SDHA: variants seen among roughly 807,000 people sequenced by gnomAD.
The protein encoded by SDHA is succinate dehydrogenase complex flavoprotein subunit A.
A neutral mutation model predicts 78.4 loss-of-function variants in SDHA; 48 were observed. The observed-to-expected ratio is 0.61, with a 90% CI of 0.49 to 0.78. SDHA has a LOEUF of 0.78. SDHA is among the 30% of genes least tolerant of loss of function. The pLI is 0.00. For synonymous variants in SDHA, 326 were observed against 353.9 expected (o/e 0.92, Z 0.88); for missense variants, 680 against 892.7 (o/e 0.76, Z 3.04).
At chr5:240,311 T>C (rs1736058067) in intron 10 of SDHA, 47 bp from the exon 11 acceptor site, 1 of 1,299,294 alleles carries the variant, frequency 7.7e-7, no homozygotes. Context: ...CATTTGGTTT[T>C]TTAAAACGGT....
intron 8 of SDHA, 131 bp from the exon 9 acceptor site, chr5:235,013 G>A (rs1156693630): frequency 1.2e-6 from 1 of 863,672 alleles, no homozygotes; most frequent in Non-Finnish European, 2.0e-6. Context: ...ATGAGAGGGT[G>A]ACCATACATG....
intron 11 of SDHA, among the ~76,000 whole-genome samples, chr5:241,796 A>G (rs1232216053): frequency 1.3e-5 from 2 of 152,226 alleles, no homozygotes; most frequent in Non-Finnish European, 2.9e-5. Flanking sequence ...TGTGCCCTTC[A>G]GTCTTCAAGT....
chr5:257,503 C>T (rs542292356), downstream of SDHA, among the ~76,000 whole-genome samples: 17,038 of 82,480 alleles, frequency 0.21, 3,931 homozygotes, highest in African/African-American at 0.52. Flanking sequence ...AGAGCGTTAC[C>T]GTGAGCTCCG....
intron 5 of SDHA, chr5:227,660 G>C (rs1735123317): frequency 4.6e-6 from 1 of 217,072 alleles, no homozygotes; most frequent in Admixed American, 5.3e-5. Context: ...GGGCAGCGCT[G>C]TCCGGCGCCT....
chr5:238,266 A>G (rs778376166), intron 10 of SDHA, among the ~76,000 whole-genome samples: 1 of 152,062 alleles, frequency 6.6e-6, no homozygotes. Context: ...AGACTTACAG[A>G]CACAACTCTG....
Position 252,317 on chromosome 5 carries a change from CT to C in SDHA, c.1794+850del, listed in dbSNP as rs577821572. ...TAACGAGTAAGCCACCGTTTCAAGC[CT>C]GCCCTGTGGAGGAAATGCCCGTTTA... On this transcript the variant is annotated intron_variant, in intron 13 of 14. Transcript: ENST00000264932. Among the ~76,000 whole-genome samples the C allele has an allele frequency of 1.5e-3, 188 of 127,618 alleles. 27 individuals are homozygous for C. The highest frequency in any genetic ancestry group is 7.3e-3 in the African/African-American group (176 of 24,220). 83.7% of individuals were successfully genotyped at this position (127,618 alleles called of 152,430 possible).
chr5:239,644 A>G (rs1464390843), intron 10 of SDHA, among the ~76,000 whole-genome samples: 3 of 152,142 alleles, frequency 2.0e-5, no homozygotes, highest in Non-Finnish European at 4.4e-5. Flanking sequence ...AGCACACAGC[A>G]GCCACCTTCC....
chr5:229,428 T>C (rs9688144), intron 6 of SDHA, among the ~76,000 whole-genome samples: 36,599 of 152,186 alleles, frequency 0.24, 6,863 homozygotes, highest in African/African-American at 0.52. Flanking sequence ...GCTATGAAAA[T>C]GAAGGAAATC....
the SDHA span, among the ~76,000 whole-genome samples, chr5:262,495 G>C: frequency 1.3e-5 from 2 of 152,234 alleles, no homozygotes; most frequent in African/African-American, 4.8e-5. Flanking sequence ...ACCCTGTTGT[G>C]AACTGCACAT....
chr5:268,313 G>A, the SDHA span, among the ~76,000 whole-genome samples: 1 of 152,036 alleles, frequency 6.6e-6, no homozygotes, highest in East Asian at 1.9e-4. Flanking sequence ...CTCCCAAGTA[G>A]CTGGGATTAC....
At chr5:261,549 GTCA>G, downstream of SDHA, among the ~76,000 whole-genome samples, 1 of 27,698 alleles carries the variant, frequency 3.6e-5, no homozygotes, top group Non-Finnish European at 7.3e-5. Flanking sequence ...TCCGCCTCCC[GTCA>G]GAGCATTACC....
At position 251,078 on chromosome 5, in the gene SDHA, A is replaced by C. The variant is rs1041963; in HGVS notation, c.1638A>C (p.Leu546=). 6.2e-7 allele frequency: 1 copy of C among 1,611,990 alleles called. No homozygotes were observed. The highest frequency in any genetic ancestry group is 8.5e-7 in the Non-Finnish European group (1 of 1,179,824). Residue 546 remains leucine, a synonymous_variant, in exon 12 of 15, where the codon CTA becomes CTC. Transcript: ENST00000264932. Reference sequence around the variant, plus strand: ...AAATCAGCAAGCTCTATGGAGACCTAAAGCACCTGAAGACGTTCGACCGGG... The same window carrying C: ...AAATCAGCAAGCTCTATGGAGACCTCAAGCACCTGAAGACGTTCGACCGGG... ...CGKISKLYGD[L]KHLKTFDRGM...
the SDHA span, among the ~76,000 whole-genome samples, chr5:267,094 T>C: frequency 6.6e-6 from 1 of 152,244 alleles, no homozygotes; most frequent in African/African-American, 2.4e-5. Flanking sequence ...AGCTGATAGA[T>C]TGTCCACTAC....
Position 256,645 on chromosome 5 carries a change from A to T in SDHA, c.*225A>T. On this transcript the variant is annotated 3_prime_UTR_variant, in exon 15 of 15. Coordinates refer to ENST00000264932, the MANE Select transcript of SDHA (RefSeq NM_004168.4). Reference sequence around the variant, plus strand: ...TGCTTCATTCTTGTGAGATGATAAAACTGGGCACAGCTCTTAAATAAAATA... The same window carrying T: ...TGCTTCATTCTTGTGAGATGATAAATCTGGGCACAGCTCTTAAATAAAATA... 1.8e-6 allele frequency: 1 copy of T among 553,342 alleles called. No individual in the cohort carries two copies. Among genetic ancestry groups the T allele is most frequent in the South Asian group, 2.3e-5 (1 of 42,900 alleles). The allele number at this position is 553,342 out of a possible 1,614,324, so 34.3% of individuals were successfully genotyped here.
intron 1 of SDHA, among the ~76,000 whole-genome samples, chr5:220,679 G>A (rs376739859): frequency 1.1e-4 from 16 of 148,772 alleles, no homozygotes; most frequent in Non-Finnish European, 1.6e-4. Context: ...GAGCCAGGCC[G>A]GCCGACTTGA....
At position 218,344 on chromosome 5, in the gene SDHA, G is replaced by T; in HGVS notation, c.-12G>T. 1 of 1,449,360 alleles carries T rather than the reference G, an allele frequency of 6.9e-7. No individual in the cohort carries two copies. Among genetic ancestry groups the T allele is most frequent in the Non-Finnish European group, 9.0e-7 (1 of 1,109,856 alleles). 89.8% of individuals were successfully genotyped at this position (1,449,360 alleles called of 1,614,324 possible). On this transcript the variant is annotated 5_prime_UTR_variant, in exon 1 of 15. Coordinates refer to ENST00000264932, the MANE Select transcript of SDHA (RefSeq NM_004168.4). ...CAGGGACTGGCGGGACTGCGCGGCG[G>T]CAACAGCAGACATGTCGGGGGTCCG...
At chr5:268,004 G>A in the SDHA span, among the ~76,000 whole-genome samples, 1 of 152,162 alleles carries the variant, frequency 6.6e-6, no homozygotes, top group Non-Finnish European at 1.5e-5. Context: ...AGACAATGTT[G>A]TCCCAAGCAG....
chr5:231,729 G>C (rs1353385207), intron 7 of SDHA, among the ~76,000 whole-genome samples: 1 of 151,564 alleles, frequency 6.6e-6, no homozygotes, highest in African/African-American at 2.4e-5. Flanking sequence ...AGAGCTGGGA[G>C]AATGCCATGG....
At chr5:241,121 C>T (rs1736113847) in intron 11 of SDHA, among the ~76,000 whole-genome samples, 1 of 152,084 alleles carries the variant, frequency 6.6e-6, no homozygotes, top group African/African-American at 2.4e-5. Flanking sequence ...CAGACTAGGG[C>T]AGAATTAGTG....
Sources: allele counts gnomAD v4.1 joint callset (sites outside exome capture counted in the v4.1 genomes callset), GRCh38; gene constraint gnomAD v4.1.1; transcripts MANE v1.5; gene names NCBI Gene and HGNC (gene_info 2026-07-23, HGNC 2026-07-21).